The following ARHGEF12 variants were observed in gnomAD, a reference collection of about 807,000 sequenced individuals.
ARHGEF12 encodes KMT2A/ARHGEF12 fusion protein.
In ARHGEF12, 66 loss-of-function variants were observed where a neutral mutation model predicts 211.2. That is an observed-to-expected ratio of 0.31 (90% CI 0.26 to 0.38). The LOEUF is 0.38. ARHGEF12 is among the 10% of genes least tolerant of loss of function. ARHGEF12 has a pLI of 1.00. For synonymous variants in ARHGEF12, 592 were observed against 638.4 expected (o/e 0.93, Z 1.09); for missense variants, 1,429 against 1,869.5 (o/e 0.76, Z 4.34).
chr11:120,382,034 T>C (rs963340961), intron 1 of ARHGEF12, among the ~76,000 whole-genome samples: 1 of 152,236 alleles, frequency 6.6e-6, no homozygotes. Flanking sequence ...TTTTAAAAAT[T>C]GTTGTACTAT....
At chr11:120,446,866 C>T (rs1024925553) in intron 17 of ARHGEF12, 82 bp from the exon 18 acceptor site, 2 of 1,491,096 alleles carry the variant, frequency 1.3e-6, no homozygotes, top group Non-Finnish European at 9.1e-7. Flanking sequence ...GAAACCATAG[C>T]TGTGAAGACT....
intron 11 of ARHGEF12, among the ~76,000 whole-genome samples, chr11:120,435,980 G>C (rs1945682724): frequency 6.6e-6 from 1 of 152,150 alleles, no homozygotes; most frequent in African/African-American, 2.4e-5. Flanking sequence ...CTAGCTAATA[G>C]GTTACCCTAA....
chr11:120,451,482 A>T, intron 21 of ARHGEF12, 30 bp from the exon 22 acceptor site: 1 of 1,611,046 alleles, frequency 6.2e-7, no homozygotes, highest in Non-Finnish European at 8.5e-7. Context: ...CAGCCGCAAT[A>T]CAGATTATTA....
At chr11:120,376,467 AT>A (rs1314496441) in intron 1 of ARHGEF12, among the ~76,000 whole-genome samples, 1 of 152,164 alleles carries the variant, frequency 6.6e-6, no homozygotes, top group African/African-American at 2.4e-5. Context: ...CTTTTAAAAA[AT>A]AGACTGAGAT....
chr11:120,341,943 A>G (rs1481558633), intron 1 of ARHGEF12, among the ~76,000 whole-genome samples: 3 of 152,216 alleles, frequency 2.0e-5, no homozygotes, highest in African/African-American at 7.2e-5. Context: ...ATCCTGTGGT[A>G]GTATAATTCT....
At chr11:120,395,353 A>G (rs1009147958) in intron 1 of ARHGEF12, among the ~76,000 whole-genome samples, 10 of 152,206 alleles carry the variant, frequency 6.6e-5, no homozygotes, top group Admixed American at 4.6e-4. Flanking sequence ...GGTGGTAACT[A>G]TGTTTCTCAC....
rs11217889 is a variant in ARHGEF12, at chr11:120,485,608, C to G, written c.*531C>G. On this transcript the variant is annotated 3_prime_UTR_variant, in exon 41 of 41. Coordinates refer to ENST00000397843, the MANE Select transcript of ARHGEF12 (RefSeq NM_015313.3). The stretch of plus-strand genomic sequence containing the variant: ...AGGTTAAGAAGAGGAGGAAGTGAGA[C>G]GGGGAAGGGAGGAGCACCTTGCTTC... 0.18 allele frequency: 41,670 copies of G among 235,076 alleles called. 4,401 individuals carry two copies. The highest frequency in any genetic ancestry group is 0.23 in the Non-Finnish European group (27,014 of 119,102). The allele number at this position is 235,076 out of a possible 1,614,324, so 14.6% of individuals were successfully genotyped here.
chr11:120,431,907 C>G lies in ARHGEF12; in HGVS notation c.920C>G (p.Ala307Gly). 6.3e-7 allele frequency: 1 copy of G among 1,580,952 alleles called. No homozygotes were observed. Among genetic ancestry groups the G allele is most frequent in the Non-Finnish European group, 8.6e-7 (1 of 1,167,096 alleles). The change falls in exon 11 of 41, where the codon GCA (alanine) becomes GGA (glycine). Residue 307 changes from alanine to glycine, a missense_variant. Ala to Gly is a moderately conservative substitution (Grantham distance 60, BLOSUM62 0). Around this residue, in one of 7 missense-constraint regions of ARHGEF12, gnomAD observed 254 missense variants for 286.4 expected, o/e 0.89. Coordinates refer to ENST00000397843, the MANE Select transcript of ARHGEF12 (RefSeq NM_015313.3). Reference protein sequence around the residue: ...GDASRPSSDNADSPKSGPKER... With the variant: ...GDASRPSSDNGDSPKSGPKER... Reference sequence around the variant, plus strand: ...GCTTCTCGGCCCAGTAGTGACAATGCAGATGTAAGCTTTCAGTTTTCTAAA... The same window carrying G: ...GCTTCTCGGCCCAGTAGTGACAATGGAGATGTAAGCTTTCAGTTTTCTAAA...
Position 120,465,372 on chromosome 11 carries a change from G to T in ARHGEF12, c.2739+10G>T, listed in dbSNP as rs1358229404. 1 of 1,613,822 alleles carries T rather than the reference G, an allele frequency of 6.2e-7. No individual in the cohort carries two copies. Among genetic ancestry groups the T allele is most frequent in the Admixed American group, 1.7e-5 (1 of 59,974 alleles). ...TCAGACTTTTGTGCAAGTGAGTTGAGTGAGTCATGTAAGAAAAAAAATAAG... is the reference window on the plus strand; with the variant it reads ...TCAGACTTTTGTGCAAGTGAGTTGATTGAGTCATGTAAGAAAAAAAATAAG... On this transcript the variant is annotated intron_variant, in intron 28 of 40. Transcript: ENST00000397843.
rs73584138 is a variant in ARHGEF12, at chr11:120,478,263, C to G, written c.3640C>G (p.Gln1214Glu). 1,994 of 1,614,064 alleles carry G rather than the reference C, an allele frequency of 1.2e-3. 23 individuals carry two copies. In the African/African-American group the frequency reaches 0.023, roughly 18 times the overall value. ...ACGTGATCTGTTTGTGGCTGAGAGA[C>G]AGTTTGCAAAGGAACAACATACAGA... ...EVRDLFVAERQFAKEQHTDGT... is the reference protein window; with the variant it reads ...EVRDLFVAEREFAKEQHTDGT... Residue 1214 changes from glutamine to glutamate, a missense_variant, in exon 37 of 41, where the codon CAG becomes GAG. Physicochemically the swap from Gln to Glu is conservative, Grantham distance 29. This residue lies in a region of ARHGEF12 where 467 missense variants were observed against 468.4 expected (regional missense o/e 1.00). Transcript: ENST00000397843.
At position 120,451,420 on chromosome 11, in the gene ARHGEF12, G is replaced by A. The variant is rs1295874764; in HGVS notation, c.1844-92G>A. ...TCTCGATCTCCTGACCTCATGATTC[G>A]CCCACCTTGGCCTCCCAAAGTGTTG... On this transcript the variant is annotated intron_variant, in intron 21 of 40. Coordinates refer to ENST00000397843, the MANE Select transcript of ARHGEF12 (RefSeq NM_015313.3). The A allele has an allele frequency of 4.0e-5, 46 of 1,161,206 alleles. 1 individual carries two copies. Among genetic ancestry groups the A allele is most frequent in the South Asian group, 1.5e-4 (11 of 72,492 alleles). The allele number at this position is 1,161,206 out of a possible 1,614,324, so 71.9% of individuals were successfully genotyped here.
chr11:120,383,723 C>T (rs1591526030), intron 1 of ARHGEF12, among the ~76,000 whole-genome samples: 1 of 152,138 alleles, frequency 6.6e-6, no homozygotes, highest in Non-Finnish European at 1.5e-5. Context: ...TTCACTTGCT[C>T]ACCTCCTGCT....
At chr11:120,455,054 T>TA in intron 22 of ARHGEF12, among the ~76,000 whole-genome samples, 1 of 152,064 alleles carries the variant, frequency 6.6e-6, no homozygotes, top group East Asian at 1.9e-4. Context: ...TCCCTAAAAT[T>TA]AAAGTCAAGG....
chr11:120,404,852 C>T (rs1591549260), intron 1 of ARHGEF12, among the ~76,000 whole-genome samples: 2 of 152,222 alleles, frequency 1.3e-5, no homozygotes, highest in South Asian at 4.1e-4. Context: ...TTCCCTCCCT[C>T]TCCTACCTCA....
Position 120,451,617 on chromosome 11 carries a change from G to C in ARHGEF12, c.1949G>C (p.Gly650Ala), listed in dbSNP as rs199665294. 1.2e-5 allele frequency: 19 copies of C among 1,614,130 alleles called. No homozygotes were observed. The highest frequency in any genetic ancestry group is 1.4e-5 in the Non-Finnish European group (16 of 1,180,018). ...PQDSAKLRQS[G>A]LANEGTDAGY... ...GACTCTGCCAAGTTGCGCCAGAGTG[G>C]GTTAGCAAATGAAGGAACAGACGCT... is the stretch of plus-strand genomic sequence containing the variant. Residue 650 changes from glycine to alanine, a missense_variant, in exon 22 of 41, where the codon GGG becomes GCG. Transcript: ENST00000397843.
Position 120,424,298 on chromosome 11 carries a change from C to A in ARHGEF12, c.349-60C>A. The A allele has an allele frequency of 2.5e-6, 3 of 1,182,602 alleles. No homozygotes were observed. In the South Asian group the frequency reaches 4.0e-5, roughly 16 times the overall value. 73.3% of individuals were successfully genotyped at this position (1,182,602 alleles called of 1,614,324 possible). On this transcript the variant is annotated intron_variant, in intron 6 of 40. Coordinates refer to ENST00000397843, the MANE Select transcript of ARHGEF12 (RefSeq NM_015313.3). ...TATTATGTATGATAATTCTTGAAGT[C>A]ATTTTATCCATTGTCTCAATAGAAT... is the stretch of plus-strand genomic sequence containing the variant.
At chr11:120,465,448 T>A (rs1946675141) in intron 28 of ARHGEF12, 86 bp downstream of exon 28, 1 of 1,543,258 alleles carries the variant, frequency 6.5e-7, no homozygotes, top group Non-Finnish European at 8.8e-7. Flanking sequence ...GACTAAGACT[T>A]TTACAAAGAT....
intron 13 of ARHGEF12, among the ~76,000 whole-genome samples, chr11:120,441,503 A>C (rs1024577928): frequency 6.6e-6 from 1 of 152,152 alleles, no homozygotes; most frequent in Non-Finnish European, 1.5e-5. Context: ...TCTTTCTTCT[A>C]ACCTATCCCC....
intron 18 of ARHGEF12, 86 bp downstream of exon 18, chr11:120,447,171 A>G: frequency 6.9e-7 from 1 of 1,450,986 alleles, no homozygotes; most frequent in Non-Finnish European, 9.2e-7. Context: ...GTTTAGAAAA[A>G]CTGTCAGATT....
Sources: allele counts gnomAD v4.1 joint callset (sites outside exome capture counted in the v4.1 genomes callset), GRCh38; gene constraint gnomAD v4.1.1; regional missense constraint gnomAD v4.1.1; transcripts MANE v1.5; gene names NCBI Gene and HGNC (gene_info 2026-07-23, HGNC 2026-07-21).